ZNF132: variants seen among roughly 807,000 people sequenced by gnomAD.
The protein encoded by ZNF132 is zinc finger protein 132 (clone pHZ-12).
ZNF132 carries 6 observed loss-of-function variants against 9.3 expected under a neutral mutation model. The observed-to-expected ratio is 0.65, with a 90% CI of 0.35 to 1.28. The LOEUF is 1.28. ZNF132 is among the 50% of genes most tolerant of loss of function. ZNF132 has a pLI of 0.03. For missense variants in ZNF132, 877 were observed against 843.2 expected (o/e 1.04, Z -0.50); for synonymous variants, 296 against 292.0 (o/e 1.01, Z -0.14).
In ZNF132 at chr19:58,439,844, C is replaced by T. The variant is rs1276453181; in HGVS notation, c.-23G>A. The T allele has an allele frequency of 6.5e-7, 1 of 1,536,602 alleles. No individual in the cohort carries two copies. Among genetic ancestry groups the T allele is most frequent in the African/African-American group, 1.4e-5 (1 of 71,826 alleles). On this transcript the variant is annotated 5_prime_UTR_variant, in exon 1 of 3. Transcript: ENST00000254166. ...CATAACAGGAGGCCCAGGGCTAGCCCTGCCGCTGGGCCGAACCCTCACACT... is the reference window on the plus strand; with the variant it reads ...CATAACAGGAGGCCCAGGGCTAGCCTTGCCGCTGGGCCGAACCCTCACACT...
rs2052750879 is a variant in ZNF132 at position 58,433,002 on chromosome 19, G to GGTTGA, written c.*320_*321insTCAAC. On this transcript the variant is annotated 3_prime_UTR_variant, in exon 3 of 3. Transcript: ENST00000254166. ...CCCTCAAGGCCCCTCAACCAGCATCGGTTCAGCTGAGCACAGTCCTGAATC... is the reference window on the plus strand; with the variant it reads ...CCCTCAAGGCCCCTCAACCAGCATCGGTTGAGTTCAGCTGAGCACAGTCCTGAATC... 5 of 211,912 alleles carry GGTTGA rather than the reference G, an allele frequency of 2.4e-5. No homozygotes were observed. Among genetic ancestry groups the GGTTGA allele is most frequent in the Non-Finnish European group, 4.7e-5 (5 of 107,130 alleles). The allele number at this position is 211,912 out of a possible 1,614,324, so 13.1% of individuals were successfully genotyped here.
At position 58,437,151 on chromosome 19, in the gene ZNF132, A is replaced by G; in HGVS notation, c.128T>C (p.Val43Ala). The change falls in exon 2 of 3, where the codon GTG becomes GCG. Residue 43 changes from valine (V) to alanine (A), a missense_variant. By Grantham distance (64) the Val-to-Ala change is moderately conservative. Coordinates refer to ENST00000254166, the MANE Select transcript of ZNF132 (RefSeq NM_003433.4). ...TLKSMVTFED[V>A]AVYFSQEEWE... ...CTCCTCTTGGGAGAAGTATACAGCCACATCTTCAAAGGTTACCATGCTCTT... is the reference window on the plus strand; with the variant it reads ...CTCCTCTTGGGAGAAGTATACAGCCGCATCTTCAAAGGTTACCATGCTCTT... 1.2e-6 allele frequency: 2 copies of G among 1,614,162 alleles called. No individual in the cohort carries two copies. The highest frequency in any genetic ancestry group is 8.5e-7 in the Non-Finnish European group (1 of 1,179,994).
Position 58,433,056 on chromosome 19 carries a change from G to T in ZNF132, c.*267C>A. 1 of 373,508 alleles carries T rather than the reference G, an allele frequency of 2.7e-6. No individual in the cohort carries two copies. Among genetic ancestry groups the T allele is most frequent in the Non-Finnish European group, 4.9e-6 (1 of 203,648 alleles). The allele number at this position is 373,508 out of a possible 1,614,324, so 23.1% of individuals were successfully genotyped here. A position where few individuals can be genotyped will look rare whatever the true frequency, so the allele number is the denominator to read the frequency against. ...AGAGAACACAGGAAGGAAGGCTCAG[G>T]GTACTGTTTTCCCCATGCATGAGGA... On this transcript the variant is annotated 3_prime_UTR_variant, in exon 3 of 3. Coordinates refer to ENST00000254166, the MANE Select transcript of ZNF132 (RefSeq NM_003433.4).
At chr19:58,436,709 T>C (rs936273095) in intron 2 of ZNF132, among the ~76,000 whole-genome samples, 21 of 143,818 alleles carry the variant, frequency 1.5e-4, no homozygotes, top group Admixed American at 6.9e-4. Context: ...AAAAATCTCA[T>C]TGGGAAAGAG....
Position 58,434,192 on chromosome 19 carries a change from G to A in ZNF132, c.1252C>T (p.Leu418Phe). The A allele has an allele frequency of 1.2e-6, 2 of 1,614,242 alleles. No homozygotes were observed. The highest frequency in any genetic ancestry group is 1.6e-4 in the Middle Eastern group (1 of 6,062). ...GTGTGAACTCTCCAGTGCTGAATGA[G>A]AGCAGAGCTTCGGCTGAAGGATTTA... ...CGKSFSRSSA[L>F]IQHWRVHTGE... is the part of the protein sequence containing the mutation. The change falls in exon 3 of 3, where the codon CTC becomes TTC. Residue 418 changes from leucine (L) to phenylalanine (F), a missense_variant. By Grantham distance (22) the Leu-to-Phe change is conservative. Transcript: ENST00000254166.
rs1209830405 is a variant in ZNF132, at chr19:58,434,502, A to T, written c.942T>A (p.Thr314=). Residue 314 remains threonine, a synonymous_variant, in exon 3 of 3, where the codon ACT becomes ACA. Transcript: ENST00000254166. ...CAATGCACTCATAATATTTTACTTC[A>T]GTGTGAAATTTCTGGTGCTTCCTCA... ...SKLRKHQKFH[T]EVKYYECIAC... 5.0e-6 allele frequency: 8 copies of T among 1,614,182 alleles called. No individual in the cohort carries two copies. The highest frequency in any genetic ancestry group is 6.8e-6 in the Non-Finnish European group (8 of 1,180,038).
At chr19:58,437,361 C>T (rs2052779371) in intron 1 of ZNF132, 146 bp from the exon 2 acceptor site, 2 of 970,110 alleles carry the variant, frequency 2.1e-6, no homozygotes, top group South Asian at 3.6e-5. Flanking sequence ...AGCTTATCTT[C>T]TTCCTCAGGG....
intron 2 of ZNF132, 166 bp from the exon 3 acceptor site, chr19:58,435,377 G>A: frequency 1.3e-6 from 1 of 754,600 alleles, no homozygotes; most frequent in Non-Finnish European, 2.1e-6. Flanking sequence ...ACTATTGGCA[G>A]GATAGGGACC....
Position 58,434,444 on chromosome 19 carries a change from A to T in ZNF132, c.1000T>A (p.Phe334Ile), listed in dbSNP as rs373864134. 4 of 1,614,124 alleles carry T rather than the reference A, an allele frequency of 2.5e-6. No homozygotes were observed. In the African/African-American group the frequency reaches 5.3e-5, roughly 22 times the overall value. ...CGKTFNHKLT[F>I]VHHQRIHSGE... Reference sequence around the variant, plus strand: ...GAGTGAATTCTCTGATGATGAACAAATGTGAGTTTGTGGTTGAAGGTTTTC... The same window carrying T: ...GAGTGAATTCTCTGATGATGAACAATTGTGAGTTTGTGGTTGAAGGTTTTC... Residue 334 changes from phenylalanine (F) to isoleucine (I), a missense_variant, in exon 3 of 3, where the codon TTT (phenylalanine) becomes ATT (isoleucine). Coordinates refer to ENST00000254166, the MANE Select transcript of ZNF132 (RefSeq NM_003433.4).
In ZNF132 at chr19:58,436,667, CAAAAAAAAA is replaced by C. The variant is rs56078209; in HGVS notation, c.232+371_232+379del. Among the ~76,000 whole-genome samples the C allele has an allele frequency of 4.9e-4, 32 of 65,544 alleles. 1 individual carries two copies. Among genetic ancestry groups the C allele is most frequent in the African/African-American group, 2.0e-3 (29 of 14,746 alleles). The allele number at this position is 65,544 out of a possible 152,430, so 43.0% of individuals were successfully genotyped here. On this transcript the variant is annotated intron_variant, in intron 2 of 2. Transcript: ENST00000254166. ...TGGGGGACAGAGCAAGACTCCATCT[CAAAAAAAAA>C]AAAAAAAAAAAAAAAAGGAAAAAAA...
chr19:58,439,176 C>T (rs576692038), intron 1 of ZNF132, among the ~76,000 whole-genome samples: 26 of 152,332 alleles, frequency 1.7e-4, no homozygotes, highest in African/African-American at 1.4e-4. Flanking sequence ...CCTACCTCCA[C>T]GGGCACCCCT....
At chr19:58,437,626 T>C (rs1225361928) in intron 1 of ZNF132, 1 of 876,370 alleles carries the variant, frequency 1.1e-6, no homozygotes, top group Non-Finnish European at 1.4e-6. Context: ...CTCTCACCTT[T>C]ACATGTCACT....
chr19:58,434,122 T>A lies in ZNF132; in HGVS notation c.1322A>T (p.Asn441Ile). ...YECSECGRAF[N>I]NNSNLAQHQK... Reference sequence around the variant, plus strand: ...GTGCTGAGCAAGGTTGGAGTTATTGTTAAAAGCTCTTCCACATTCACTGCA... The same window carrying A: ...GTGCTGAGCAAGGTTGGAGTTATTGATAAAAGCTCTTCCACATTCACTGCA... Residue 441 changes from asparagine (N) to isoleucine (I), a missense_variant, in exon 3 of 3, where the codon AAC becomes ATC. Asn to Ile is a moderately radical substitution (Grantham distance 149). Transcript: ENST00000254166. The A allele has an allele frequency of 6.2e-7, 1 of 1,613,124 alleles. No homozygotes were observed. The highest frequency in any genetic ancestry group is 1.3e-5 in the African/African-American group (1 of 74,628).
At chr19:58,437,717 A>G (rs150385042) in intron 1 of ZNF132, 2 of 985,396 alleles carry the variant, frequency 2.0e-6, no homozygotes, top group African/African-American at 1.7e-5. Context: ...CACCATGCAC[A>G]TGGCATACCT....
chr19:58,434,168 T>C lies in ZNF132; in HGVS notation c.1276A>G (p.Thr426Ala). 2 of 1,614,192 alleles carry C rather than the reference T, an allele frequency of 1.2e-6. No homozygotes were observed. The highest frequency in any genetic ancestry group is 1.7e-6 in the Non-Finnish European group (2 of 1,180,032). Residue 426 changes from threonine to alanine, a missense_variant, in exon 3 of 3, where the codon ACT (threonine) becomes GCT (alanine). Transcript: ENST00000254166. ...SALIQHWRVH[T>A]GERPYECSEC... ...CTGCATTCATACGGTCTTTCTCCAG[T>C]GTGAACTCTCCAGTGCTGAATGAGA...
intron 1 of ZNF132, among the ~76,000 whole-genome samples, chr19:58,438,839 C>T (rs2052787026): frequency 6.6e-6 from 1 of 151,580 alleles, no homozygotes; most frequent in Admixed American, 6.6e-5. Flanking sequence ...GGCACGATCT[C>T]AGCTCAATGC....
chr19:58,437,251 A>G, intron 1 of ZNF132, 36 bp from the exon 2 acceptor site: 1 of 1,552,660 alleles, frequency 6.4e-7, no homozygotes, highest in East Asian at 2.2e-5. Flanking sequence ...AAATGGAAAT[A>G]TGCAGGACCT....
chr19:58,439,613 T>A, intron 1 of ZNF132, 146 bp downstream of exon 1: 1 of 772,836 alleles, frequency 1.3e-6, no homozygotes, highest in Middle Eastern at 2.4e-4. Context: ...TAAGGGTAAG[T>A]GACTCCCAGG....
chr19:58,436,959 T>C (rs1452246161), intron 2 of ZNF132, 88 bp downstream of exon 2: 2 of 1,578,614 alleles, frequency 1.3e-6, no homozygotes, highest in Non-Finnish European at 1.7e-6. Context: ...GCAGTACCCA[T>C]GATCTGGCTT....
Sources: allele counts gnomAD v4.1 joint callset (sites outside exome capture counted in the v4.1 genomes callset), GRCh38; gene constraint gnomAD v4.1.1; transcripts MANE v1.5; gene names NCBI Gene and HGNC (gene_info 2026-07-23, HGNC 2026-07-21).